Variants in RAB5C observed in about 807,000 individuals in gnomAD.
The protein encoded by RAB5C is RAB5C, member RAS oncogene family.
A neutral mutation model predicts 25.2 loss-of-function variants in RAB5C; 4 were observed. That is an observed-to-expected ratio of 0.16 (90% CI 0.08 to 0.36). RAB5C has a LOEUF of 0.36. RAB5C is among the 10% of genes least tolerant of loss of function. The pLI is 1.00. For synonymous variants in RAB5C, 100 were observed against 106.4 expected, an observed-to-expected ratio of 0.94 and a Z score of 0.37; for missense variants, 199 against 283.8, an observed-to-expected ratio of 0.70 and a Z score of 2.15.
chr17:42,144,580 G>A (rs553290256), intron 1 of RAB5C, among the ~76,000 whole-genome samples: 6 of 152,246 alleles, frequency 3.9e-5, no homozygotes, highest in Admixed American at 3.3e-4. Context: ...TTGGGAGGCC[G>A]AAACGGGTGG....
intron 1 of RAB5C, among the ~76,000 whole-genome samples, chr17:42,154,429 C>T (rs1047960847): frequency 2.0e-5 from 3 of 152,124 alleles, no homozygotes; most frequent in Non-Finnish European, 4.4e-5. Context: ...GCGTGTGGAA[C>T]GGTCTCACCC....
intron 1 of RAB5C, chr17:42,131,855 T>A (rs1452646655): frequency 2.1e-6 from 1 of 482,022 alleles, no homozygotes; most frequent in African/African-American, 2.0e-5. Context: ...TCATCAGACA[T>A]ATACATCTGA....
intron 2 of RAB5C, among the ~76,000 whole-genome samples, chr17:42,129,940 A>C (rs2054467865): frequency 6.6e-6 from 1 of 152,172 alleles, no homozygotes. Context: ...GCTCCGACTC[A>C]CCAGGCTGTT....
intron 1 of RAB5C, among the ~76,000 whole-genome samples, chr17:42,130,851 T>A (rs1029612505): frequency 1.3e-5 from 2 of 151,924 alleles, no homozygotes; most frequent in Admixed American, 1.3e-4. Context: ...GCAAACACAT[T>A]GACTTCTGGA....
At chr17:42,128,158 G>A in intron 4 of RAB5C, 103 bp downstream of exon 4, 1 of 1,473,464 alleles carries the variant, frequency 6.8e-7, no homozygotes, top group Non-Finnish European at 9.1e-7. Flanking sequence ...AAGCTTCCCT[G>A]TTGCCTCCTA....
At chr17:42,133,346 G>A (rs1033524123) in intron 1 of RAB5C, among the ~76,000 whole-genome samples, 1 of 152,126 alleles carries the variant, frequency 6.6e-6, no homozygotes, top group South Asian at 2.1e-4. Context: ...TTAGGGTACC[G>A]AGCTGGGAAG....
intron 1 of RAB5C, among the ~76,000 whole-genome samples, chr17:42,144,951 A>G (rs2079624522): frequency 2.6e-5 from 1 of 38,736 alleles, no homozygotes; most frequent in Non-Finnish European, 4.4e-5. Flanking sequence ...AAAAAAAAAA[A>G]AAAAAAAAAA....
Position 42,128,798 on chromosome 17 carries a change from C to A in RAB5C, c.169G>T (p.Ala57Ser). The A allele has an allele frequency of 6.6e-7, 1 of 1,508,972 alleles. No individual in the cohort carries two copies. The highest frequency in any genetic ancestry group is 8.8e-7 in the Non-Finnish European group (1 of 1,130,432). 93.5% of individuals were successfully genotyped at this position (1,508,972 alleles called of 1,614,324 possible). The change falls in exon 3 of 6, where the codon GCC becomes TCC. Residue 57 changes from alanine to serine, a missense_variant and splice_region_variant. Physicochemically the swap from Ala to Ser is moderately conservative, Grantham distance 99 (BLOSUM62 1). Transcript: ENST00000346213. ...HEYQESTIGA[A>S]FLTQTVCLDD... Reference sequence around the variant, plus strand: ...AGGCAGACAGTCTGTGTGAGGAAGGCCGCTGTAAGAGAGAAGGAGCGTCCA... The same window carrying A: ...AGGCAGACAGTCTGTGTGAGGAAGGACGCTGTAAGAGAGAAGGAGCGTCCA...
rs890843811 is a variant in RAB5C, at chr17:42,125,136, G to C, written c.*647C>G. The stretch of plus-strand genomic sequence containing the variant: ...AATACTCATCATCATGATTTGGTCA[G>C]AACAGGGCTCAGAGCCAGAGGTTGG... On this transcript the variant is annotated 3_prime_UTR_variant, in exon 6 of 6. Transcript: ENST00000346213. The C allele has an allele frequency of 7.2e-6, 1 of 139,494 alleles. No homozygotes were observed. Among genetic ancestry groups the C allele is most frequent in the Admixed American group, 7.3e-5 (1 of 13,616 alleles). The allele number at this position is 139,494 out of a possible 1,614,324, so 8.6% of individuals were successfully genotyped here.
At chr17:42,135,044 G>A (rs1013143916) in intron 1 of RAB5C, among the ~76,000 whole-genome samples, 2 of 148,716 alleles carry the variant, frequency 1.3e-5, no homozygotes, top group East Asian at 2.0e-4. Context: ...GCAGTGGCAC[G>A]ATCTCTGCTT....
chr17:42,144,045 C>T (rs1369042165), intron 1 of RAB5C, among the ~76,000 whole-genome samples: 2 of 152,128 alleles, frequency 1.3e-5, no homozygotes, highest in African/African-American at 4.8e-5. Flanking sequence ...CTTGGCTTCC[C>T]CAAGTGCTGG....
intron 1 of RAB5C, among the ~76,000 whole-genome samples, chr17:42,143,466 G>A (rs1249239603): frequency 6.6e-6 from 1 of 152,082 alleles, no homozygotes; most frequent in Non-Finnish European, 1.5e-5. Flanking sequence ...GTGAAACCTC[G>A]TTGCTACTAA....
chr17:42,140,515 ATTTTTTTTTTTT>A (rs10553272), intron 1 of RAB5C, among the ~76,000 whole-genome samples: 12 of 26,632 alleles, frequency 4.5e-4, no homozygotes, highest in African/African-American at 1.8e-3. Flanking sequence ...ATATATATAT[ATTTTTTTTTTTT>A]TTTTTTTTTT....
chr17:42,125,891 C>T lies in RAB5C; in HGVS notation c.543G>A (p.Lys181=). ...CATTCTGGGGCTCGTTCTTGGGAAG[C>T]TTCTTAGCTGTTTGGGAGGGGGAAA... ...VNEIFMAIAK[K]LPKNEPQNAT... Residue 181 remains lysine, a synonymous_variant, in exon 6 of 6, where the codon AAG becomes AAA. Transcript: ENST00000346213. The T allele has an allele frequency of 6.2e-7, 1 of 1,608,532 alleles. No homozygotes were observed. The highest frequency in any genetic ancestry group is 2.2e-5 in the East Asian group (1 of 44,774).
intron 1 of RAB5C, among the ~76,000 whole-genome samples, chr17:42,147,006 A>AAGAAAGAAAGAC (rs61382221): frequency 6.7e-6 from 1 of 150,122 alleles, no homozygotes; most frequent in Non-Finnish European, 1.5e-5. Flanking sequence ...TCAAGAAAGA[A>AAGAAAGAAAGAC]AGAAAGAAAG....
At chr17:42,154,256 GAAC>G (rs1220693011) in intron 1 of RAB5C, among the ~76,000 whole-genome samples, 2 of 152,222 alleles carry the variant, frequency 1.3e-5, no homozygotes, top group African/African-American at 2.4e-5. Context: ...GACACTCAAA[GAAC>G]AACATAACTA....
intron 4 of RAB5C, among the ~76,000 whole-genome samples, chr17:42,127,831 T>G (rs1206408685): frequency 2.6e-5 from 4 of 151,104 alleles, no homozygotes; most frequent in Admixed American, 1.3e-4. Context: ...CTGGCTGTTT[T>G]TTTTTTTTTT....
chr17:42,148,854 T>C (rs2079653012), intron 1 of RAB5C, among the ~76,000 whole-genome samples: 1 of 152,120 alleles, frequency 6.6e-6, no homozygotes, highest in Non-Finnish European at 1.5e-5. Flanking sequence ...GCACACCCCA[T>C]CTCTGCCATT....
chr17:42,136,863 TTAGAGA>T (rs1191103254), intron 1 of RAB5C, among the ~76,000 whole-genome samples: 1 of 152,188 alleles, frequency 6.6e-6, no homozygotes, highest in East Asian at 1.9e-4. Context: ...GGCTCTCCTA[TTAGAGA>T]TAGAAAGAAA....
Sources: gnomAD v4.1 joint callset for allele counts (sites outside exome capture counted in the v4.1 genomes callset) on GRCh38, gnomAD v4.1.1 for gene constraint, MANE v1.5 for transcripts, NCBI Gene and HGNC (gene_info 2026-07-23, HGNC 2026-07-21) for gene names.